EDAR: variants seen among roughly 807,000 people sequenced by gnomAD.
EDAR encodes the protein tumor necrosis factor receptor superfamily member EDAR.
A neutral mutation model predicts 51.3 loss-of-function variants in EDAR; 38 were observed. The observed-to-expected ratio is 0.74, with a 90% CI of 0.57 to 0.97. EDAR has a LOEUF of 0.97. Among genes scored for constraint, EDAR ranks in the 50% least tolerant of loss-of-function variants. The pLI, the probability that EDAR is intolerant of heterozygous loss-of-function variation, is 0.00. For synonymous variants in EDAR, 227 were observed against 242.1 expected (o/e 0.94, Z 0.58); for missense variants, 528 against 595.0 (o/e 0.89, Z 1.17).
At chr2:108,950,449 T>A (rs570375764) in intron 1 of EDAR, among the ~76,000 whole-genome samples, 1 of 152,108 alleles carries the variant, frequency 6.6e-6, no homozygotes, top group Non-Finnish European at 1.5e-5. Flanking sequence ...TAGAGCATGT[T>A]GTATTTCTGT....
intron 11 of EDAR, among the ~76,000 whole-genome samples, chr2:108,905,760 T>C (rs574026940): frequency 6.6e-6 from 1 of 152,286 alleles, no homozygotes; most frequent in South Asian, 2.1e-4. Context: ...TGATTTCAGA[T>C]TGCAGCACTG....
intron 11 of EDAR, among the ~76,000 whole-genome samples, chr2:108,902,490 C>A (rs754936737): frequency 3.3e-5 from 5 of 152,206 alleles, no homozygotes; most frequent in Non-Finnish European, 7.3e-5. Context: ...TCTACACGAT[C>A]TTTTCTAGAC....
At chr2:108,908,061 G>A (rs142724949) in intron 9 of EDAR, 42 bp from the exon 10 acceptor site, 114 of 1,567,346 alleles carry the variant, frequency 7.3e-5, no homozygotes, top group South Asian at 4.4e-4. Flanking sequence ...TGCCTGGGGG[G>A]GCTGCAGCCC....
At chr2:108,985,048 G>T (rs1475429705) in intron 1 of EDAR, among the ~76,000 whole-genome samples, 1 of 152,174 alleles carries the variant, frequency 6.6e-6, no homozygotes, top group East Asian at 1.9e-4. Context: ...GTCTGGTTTT[G>T]CATGTCTTTC....
intron 5 of EDAR, 51 bp from the exon 6 acceptor site, chr2:108,912,815 A>G (rs750037532): frequency 1.4e-6 from 2 of 1,454,076 alleles, no homozygotes; most frequent in African/African-American, 2.8e-5. Flanking sequence ...TCCACCTTCA[A>G]AGACGCTGCC....
intron 2 of EDAR, among the ~76,000 whole-genome samples, chr2:108,930,477 C>T (rs1001794572): frequency 6.6e-6 from 1 of 152,126 alleles, no homozygotes; most frequent in Non-Finnish European, 1.5e-5. Flanking sequence ...CTCACCCCTG[C>T]TGGCCAAGCC....
In EDAR at chr2:108,896,977, G is replaced by A. The variant is rs771596072; in HGVS notation, c.1277C>T (p.Ser426Phe). The change falls in exon 12 of 12, where the codon TCC becomes TTC. Residue 426 changes from serine to phenylalanine, a missense_variant. Ser to Phe is a radical substitution (Grantham distance 155). Transcript: ENST00000258443. ...VQIERLDAVE[S>F]LCADILEWAG... ...CCACTCCAGTATGTCTGCACACAAG[G>A]ACTCCACAGCATCCAGCCGCTCAAT... The A allele has an allele frequency of 6.2e-7, 1 of 1,613,806 alleles. No homozygotes were observed. The highest frequency in any genetic ancestry group is 8.5e-7 in the Non-Finnish European group (1 of 1,179,936).
rs568244057 is a variant in EDAR at position 108,941,865 on chromosome 2, G to A, written c.-18-10833C>T. Among the ~76,000 whole-genome samples, 21 of 152,338 alleles carry A rather than the reference G, an allele frequency of 1.4e-4. No homozygotes were observed. The East Asian group carries it at 3.5e-3, about 25-fold the overall frequency. On this transcript the variant is annotated intron_variant, in intron 1 of 11. Transcript: ENST00000258443. ...CAGCCTCTTCCCAGCCTCAGTGAAC[G>A]TGTATGCCCAAGGAGGCCAGTGCCC...
At chr2:108,922,656 C>T (rs751757048) in intron 5 of EDAR, among the ~76,000 whole-genome samples, 14 of 152,106 alleles carry the variant, frequency 9.2e-5, no homozygotes, top group Non-Finnish European at 1.8e-4. Context: ...AGGGTCAGCT[C>T]CTCCTCCACC....
In EDAR at chr2:108,905,718, T is replaced by C. The variant is rs1308061371; in HGVS notation, c.1024+590A>G. Among the ~76,000 whole-genome samples the C allele has an allele frequency of 2.0e-5, 3 of 152,064 alleles. No homozygotes were observed. In the South Asian group the frequency reaches 6.2e-4, roughly 32 times the overall value. ...GTTAATAAGAAGGTAATTTAGAAAGTGGATTTTGCAGGAACTGGAAGCTGA... is the reference window on the plus strand; with the variant it reads ...GTTAATAAGAAGGTAATTTAGAAAGCGGATTTTGCAGGAACTGGAAGCTGA... On this transcript the variant is annotated intron_variant, in intron 11 of 11. Coordinates refer to ENST00000258443, the MANE Select transcript of EDAR (RefSeq NM_022336.4).
intron 1 of EDAR, among the ~76,000 whole-genome samples, chr2:108,931,397 C>T (rs564529682): frequency 6.6e-6 from 1 of 152,340 alleles, no homozygotes; most frequent in South Asian, 2.1e-4. Context: ...GGCCTCTGGG[C>T]TCCAGGACTT....
At chr2:108,973,063 C>G (rs1041350060) in intron 1 of EDAR, among the ~76,000 whole-genome samples, 2 of 152,218 alleles carry the variant, frequency 1.3e-5, no homozygotes, top group Non-Finnish European at 2.9e-5. Flanking sequence ...TTCAGCTCAC[C>G]GTAACCTCTG....
chr2:108,970,784 G>T (rs951275093), intron 1 of EDAR, among the ~76,000 whole-genome samples: 1 of 152,182 alleles, frequency 6.6e-6, no homozygotes, highest in Non-Finnish European at 1.5e-5. Flanking sequence ...ACACCCTGAA[G>T]ATAAGTTCGG....
At chr2:108,940,327 C>G (rs551673328) in intron 1 of EDAR, 13 of 152,374 alleles carry the variant, frequency 8.5e-5, no homozygotes, top group Non-Finnish European at 1.9e-4. Context: ...CTCGGATGGT[C>G]TGAAGGGGAA....
At chr2:108,942,225 G>A (rs542310407) in intron 1 of EDAR, among the ~76,000 whole-genome samples, 25 of 152,356 alleles carry the variant, frequency 1.6e-4, no homozygotes, top group African/African-American at 5.8e-4. Context: ...CATAACACAT[G>A]GAGTCAATGG....
chr2:108,968,091 G>A (rs1316694555), intron 1 of EDAR, among the ~76,000 whole-genome samples: 2 of 152,298 alleles, frequency 1.3e-5, no homozygotes, highest in Admixed American at 1.3e-4. Flanking sequence ...GGAGCTGAGT[G>A]CTGCACAGGG....
At chr2:108,940,471 A>G (rs978180783) in intron 1 of EDAR, 7 of 152,376 alleles carry the variant, frequency 4.6e-5, no homozygotes, top group African/African-American at 1.7e-4. Flanking sequence ...TGAAGCCACT[A>G]TGAGCCCAGG....
intron 1 of EDAR, among the ~76,000 whole-genome samples, chr2:108,935,506 T>C (rs1697449950): frequency 6.6e-6 from 1 of 152,224 alleles, no homozygotes; most frequent in Admixed American, 6.5e-5. Flanking sequence ...AACATCTTGC[T>C]GAGGTGGGGA....
chr2:108,969,012 C>G (rs954380856), intron 1 of EDAR, among the ~76,000 whole-genome samples: 1 of 152,178 alleles, frequency 6.6e-6, no homozygotes, highest in Non-Finnish European at 1.5e-5. Context: ...CAGAAGCTCC[C>G]GGAATCAGCA....
Sources: allele counts gnomAD v4.1 joint callset (sites outside exome capture counted in the v4.1 genomes callset), GRCh38; gene constraint gnomAD v4.1.1; transcripts MANE v1.5; gene names NCBI Gene and HGNC (gene_info 2026-07-23, HGNC 2026-07-21).